The following NALCN variants were observed in gnomAD, a reference collection of about 807,000 sequenced individuals.
NALCN encodes the protein sodium leak channel NALCN.
A neutral mutation model predicts 225.3 loss-of-function variants in NALCN; 111 were observed. The observed-to-expected ratio is 0.49, with a 90% CI of 0.42 to 0.58. NALCN has a LOEUF of 0.58. NALCN is among the 20% of genes least tolerant of loss of function. The pLI, the probability that NALCN is intolerant of heterozygous loss-of-function variation, is 0.00. For synonymous variants in NALCN, 764 were observed against 769.0 expected (o/e 0.99, Z 0.11); for missense variants, 1,378 against 2,202.4 (o/e 0.63, Z 7.49).
intron 16 of NALCN, among the ~76,000 whole-genome samples, chr13:101,144,514 G>A (rs2037249442): frequency 6.6e-6 from 1 of 152,244 alleles, no homozygotes; most frequent in Admixed American, 6.5e-5. Context: ...GAAGCGATGG[G>A]AAGCAGCCTT....
chr13:101,181,475 G>A (rs947286617), intron 14 of NALCN: 9 of 383,634 alleles, frequency 2.3e-5, no homozygotes, highest in East Asian at 7.2e-5. Flanking sequence ...AGCTGGGCAT[G>A]GTGACTCATG....
chr13:101,240,967 G>A (rs2041737365), intron 11 of NALCN, among the ~76,000 whole-genome samples: 1 of 152,112 alleles, frequency 6.6e-6, no homozygotes, highest in Admixed American at 6.6e-5. Context: ...AGTTTTACTT[G>A]TATATCATTA....
intron 17 of NALCN, among the ~76,000 whole-genome samples, chr13:101,127,774 C>T (rs4772361): frequency 0.17 from 25,989 of 152,062 alleles, 2,430 homozygotes; most frequent in East Asian, 0.4. Flanking sequence ...GTATTTAGAT[C>T]GTTATATACT....
chr13:101,078,086 G>A (rs1019653167), intron 34 of NALCN, among the ~76,000 whole-genome samples: 1 of 152,254 alleles, frequency 6.6e-6, no homozygotes, highest in African/African-American at 2.4e-5. Flanking sequence ...AAGAACTGAG[G>A]TTTGGGAACC....
chr13:101,411,498 C>CCAT (rs2047785811), intron 1 of NALCN, among the ~76,000 whole-genome samples: 1 of 152,006 alleles, frequency 6.6e-6, no homozygotes, highest in African/African-American at 2.4e-5. Flanking sequence ...CAGGTGCCCA[C>CCAT]CATCACACCT....
At chr13:101,399,538 G>A (rs979689715) in intron 1 of NALCN, among the ~76,000 whole-genome samples, 5 of 152,146 alleles carry the variant, frequency 3.3e-5, no homozygotes, top group Non-Finnish European at 5.9e-5. Flanking sequence ...GAACACTGCT[G>A]AGTAATACAG....
intron 14 of NALCN, among the ~76,000 whole-genome samples, chr13:101,177,939 CTTCTT>C: frequency 6.6e-6 from 1 of 152,284 alleles, no homozygotes; most frequent in South Asian, 2.1e-4. Flanking sequence ...TGCCAGCACC[CTTCTT>C]TTCAACAGCC....
intron 28 of NALCN, among the ~76,000 whole-genome samples, chr13:101,091,718 T>G (rs73554894): frequency 0.02 from 3,061 of 152,234 alleles, 52 homozygotes; most frequent in African/African-American, 0.04. Flanking sequence ...GAATAAGGAT[T>G]TTTTACAAGC....
chr13:101,112,211 GCACA>G (rs2035480437), intron 18 of NALCN, among the ~76,000 whole-genome samples: 1 of 145,484 alleles, frequency 6.9e-6, no homozygotes, highest in African/African-American at 2.5e-5. Flanking sequence ...AAAAAAAAAA[GCACA>G]CAGTTTTTGG....
rs545652828 is a variant in NALCN at position 101,070,551 on chromosome 13, T to C, written c.4198-1724A>G. On this transcript the variant is annotated intron_variant, in intron 37 of 43. Transcript: ENST00000251127. ...ATCCATGGACAGAATGGATGTTGTG[T>C]TAGCAGGCATGAAAACAATGTTAAT... 5.9e-5 allele frequency among the ~76,000 whole-genome samples: 9 copies of C among 152,344 alleles called. No homozygotes were observed. In the South Asian group the frequency reaches 1.9e-3, roughly 32 times the overall value.
At chr13:101,352,848 A>G (rs1222870212) in intron 6 of NALCN, among the ~76,000 whole-genome samples, 1 of 152,212 alleles carries the variant, frequency 6.6e-6, no homozygotes, top group Non-Finnish European at 1.5e-5. Flanking sequence ...AGCTAAAGAC[A>G]AACAGGCTAA....
chr13:101,168,223 T>C (rs945180247), intron 15 of NALCN, among the ~76,000 whole-genome samples: 3 of 152,198 alleles, frequency 2.0e-5, no homozygotes, highest in Admixed American at 2.0e-4. Flanking sequence ...GGAACCATCC[T>C]TCCCTTGGTA....
chr13:101,283,337 T>A (rs190621653), intron 10 of NALCN, among the ~76,000 whole-genome samples: 3 of 152,254 alleles, frequency 2.0e-5, no homozygotes, highest in Non-Finnish European at 4.4e-5. Context: ...ATTATTGTTA[T>A]CCATATTGTT....
chr13:101,158,610 C>T (rs1407589200), intron 15 of NALCN, among the ~76,000 whole-genome samples: 1 of 152,228 alleles, frequency 6.6e-6, no homozygotes, highest in African/African-American at 2.4e-5. Context: ...GTTCACTCTA[C>T]CCCCATCTGC....
chr13:101,206,181 T>C (rs1041683132), intron 13 of NALCN, among the ~76,000 whole-genome samples: 4 of 152,078 alleles, frequency 2.6e-5, no homozygotes, highest in African/African-American at 9.7e-5. Context: ...TGAGATTTTC[T>C]AAAATCTCAC....
At chr13:101,405,483 T>G (rs1323871420) in intron 1 of NALCN, among the ~76,000 whole-genome samples, 1 of 152,206 alleles carries the variant, frequency 6.6e-6, no homozygotes, top group Non-Finnish European at 1.5e-5. Context: ...TACTGATACC[T>G]GCACCTCCCT....
chr13:101,166,330 C>T (rs755478588), intron 15 of NALCN, among the ~76,000 whole-genome samples: 42 of 151,928 alleles, frequency 2.8e-4, no homozygotes, highest in Non-Finnish European at 4.3e-4. Context: ...TACTGTTTTC[C>T]GCAGCAGCAG....
chr13:101,058,248 T>C, intron 42 of NALCN, 192 bp from the exon 43 acceptor site: 2 of 565,280 alleles, frequency 3.5e-6, no homozygotes. Flanking sequence ...CTGCACGCCC[T>C]GCTGAAGGAG....
At chr13:101,103,574 G>A (rs1055901228) in intron 25 of NALCN, among the ~76,000 whole-genome samples, 15 of 152,142 alleles carry the variant, frequency 9.9e-5, no homozygotes, top group Non-Finnish European at 2.9e-5. Context: ...GTGTGTGTGT[G>A]TGTGTACACC....
Sources: allele counts gnomAD v4.1 joint callset (sites outside exome capture counted in the v4.1 genomes callset), GRCh38; gene constraint gnomAD v4.1.1; transcripts MANE v1.5; gene names NCBI Gene and HGNC (gene_info 2026-07-23, HGNC 2026-07-21).